The following NLRP1 variants were observed in gnomAD, a reference collection of about 807,000 sequenced individuals.
The protein encoded by NLRP1 is NLR family pyrin domain containing 1.
In NLRP1, 94 loss-of-function variants were observed where a neutral mutation model predicts 136.7. The ratio of observed to expected loss-of-function variants is 0.69; its 90% CI spans 0.58 to 0.82. The LOEUF is 0.82. Ranked by LOEUF, NLRP1 falls within the 40% of genes least tolerant of loss-of-function variation. The pLI is 0.00. For synonymous variants in NLRP1, 690 were observed against 725.1 expected (o/e 0.95, Z 0.78); for missense variants, 1,575 against 1,802.7 (o/e 0.87, Z 2.29).
intron 5 of NLRP1, among the ~76,000 whole-genome samples, chr17:5,542,789 CCTTT>C (rs1046842738): frequency 3.3e-4 from 48 of 146,028 alleles, no homozygotes; most frequent in African/African-American, 1.0e-3. Context: ...CTCCCTCCCT[CCTTT>C]CTTTCTCTCT....
At chr17:5,512,400 C>G (rs1442435050), downstream of NLRP1, 5 of 1,022,530 alleles carry the variant, frequency 4.9e-6, no homozygotes, top group Non-Finnish European at 7.8e-6. Flanking sequence ...TTCTAGTGCC[C>G]ATATCTTGAT....
At chr17:5,572,817 T>C (rs1413462634) in intron 3 of NLRP1, among the ~76,000 whole-genome samples, 1 of 152,082 alleles carries the variant, frequency 6.6e-6, no homozygotes, top group Non-Finnish European at 1.5e-5. Context: ...CACTTATTAT[T>C]AGCAAAATGC....
At chr17:5,554,364 T>C (rs1313925086) in intron 4 of NLRP1, among the ~76,000 whole-genome samples, 1 of 152,196 alleles carries the variant, frequency 6.6e-6, no homozygotes, top group East Asian at 1.9e-4. Flanking sequence ...CCTCCAAGGC[T>C]TCAACTACTC....
At chr17:5,577,789 C>A in intron 3 of NLRP1, among the ~76,000 whole-genome samples, 1 of 152,166 alleles carries the variant, frequency 6.6e-6, no homozygotes, top group South Asian at 2.1e-4. Flanking sequence ...CAAAAAAGAG[C>A]CCGCACTGCC....
intron 15 of NLRP1, chr17:5,503,019 A>ACC (rs1156574675): frequency 6.6e-6 from 1 of 152,530 alleles, no homozygotes; most frequent in Non-Finnish European, 1.5e-5. Context: ...AAGGGTGTGA[A>ACC]GGGTGAAATG....
chr17:5,569,424 G>GA (rs1915644229), intron 3 of NLRP1, among the ~76,000 whole-genome samples: 1 of 152,094 alleles, frequency 6.6e-6, no homozygotes. Flanking sequence ...AAGGGATGGG[G>GA]AAAAATCTAC....
At position 5,559,627 on chromosome 17, in the gene NLRP1, A is replaced by T; in HGVS notation, c.1069T>A (p.Tyr357Asn). Residue 357 changes from tyrosine (Y) to asparagine (N), a missense_variant, in exon 4 of 17, where the codon TAT becomes AAT. By Grantham distance (143) the Tyr-to-Asn change is moderately radical (BLOSUM62 -2). Coordinates refer to ENST00000572272, the MANE Select transcript of NLRP1 (RefSeq NM_033004.4). Reference sequence around the variant, plus strand: ...AAGACATGCTGGAAGCGGTCCCCATACAGCTGGCCTCTCCCCCAGGCTTCC... The same window carrying T: ...AAGACATGCTGGAAGCGGTCCCCATTCAGCTGGCCTCTCCCCCAGGCTTCC... ...VKEAWGRGQL[Y>N]GDRFQHVFYF... 1 of 1,614,206 alleles carries T rather than the reference A, an allele frequency of 6.2e-7. No individual in the cohort carries two copies. The highest frequency in any genetic ancestry group is 2.2e-5 in the East Asian group (1 of 44,876).
intron 2 of NLRP1, 104 bp downstream of exon 2, chr17:5,582,566 C>T: frequency 9.1e-7 from 1 of 1,098,424 alleles, no homozygotes; most frequent in Non-Finnish European, 1.3e-6. Flanking sequence ...CCTCTGCTGT[C>T]CCCCATGTCA....
intron 12 of NLRP1, 60 bp downstream of exon 12, chr17:5,530,421 C>T (rs746413137): frequency 5.5e-5 from 80 of 1,459,666 alleles, no homozygotes; most frequent in Non-Finnish European, 7.1e-5. Context: ...TATCATTCTA[C>T]ACTCCCTTTC....
At chr17:5,577,676 C>T (rs1377183371) in intron 3 of NLRP1, among the ~76,000 whole-genome samples, 1 of 152,120 alleles carries the variant, frequency 6.6e-6, no homozygotes, top group African/African-American at 2.4e-5. Context: ...TGAAAATGGC[C>T]ATACTGCCCA....
At chr17:5,582,551 T>G in intron 2 of NLRP1, 119 bp downstream of exon 2, 1 of 959,506 alleles carries the variant, frequency 1.0e-6, no homozygotes, top group South Asian at 1.6e-5. Flanking sequence ...GGCTCCCCTA[T>G]CCTTCCTCTG....
chr17:5,509,158 C>CGGAA (rs1308058338), downstream of NLRP1, among the ~76,000 whole-genome samples: 9 of 152,222 alleles, frequency 5.9e-5, no homozygotes, highest in African/African-American at 2.2e-4. Flanking sequence ...GCTAGACTTC[C>CGGAA]CTTCAAGTTC....
chr17:5,518,052 C>A, intron 14 of NLRP1, 165 bp from the exon 15 acceptor site: 1 of 650,588 alleles, frequency 1.5e-6, no homozygotes, highest in Non-Finnish European at 2.6e-6. Context: ...CAATTTTCCA[C>A]AGAAGGATGA....
chr17:5,515,535 T>A lies in NLRP1; in HGVS notation c.4058-18A>T, dbSNP rs202135403. 9.5e-5 allele frequency: 153 copies of A among 1,603,972 alleles called. No homozygotes were observed. Among genetic ancestry groups the A allele is most frequent in the Non-Finnish European group, 1.3e-4 (149 of 1,171,170 alleles). ...GAGATCTCCTGGAGGAAAACAGAGA[T>A]GAAGATGCATCTGAAACAGTGCTAA... On this transcript the variant is annotated intron_variant, in intron 15 of 16. Transcript: ENST00000572272.
Position 5,536,856 on chromosome 17 carries a change from G to A in NLRP1, c.2955C>T (p.Ser985=). The A allele has an allele frequency of 6.2e-7, 1 of 1,610,996 alleles. No individual in the cohort carries two copies. Among genetic ancestry groups the A allele is most frequent in the Non-Finnish European group, 8.5e-7 (1 of 1,177,228 alleles). The change falls in exon 8 of 17, where the codon AGC becomes AGT. Residue 985 remains serine (S), a synonymous_variant. Coordinates refer to ENST00000572272, the MANE Select transcript of NLRP1 (RefSeq NM_033004.4). Reference sequence around the variant, plus strand: ...AGTTCTGGGTCCCCCCTTACCGTCTGCTGAAGATGAGCAGCTGAGGTTTCT... The same window carrying A: ...AGTTCTGGGTCCCCCCTTACCGTCTACTGAAGATGAGCAGCTGAGGTTTCT... ...EQEKPQLLIF[S]RRKPSVMTPT...
At chr17:5,573,596 C>T (rs550126505) in intron 3 of NLRP1, among the ~76,000 whole-genome samples, 3 of 152,286 alleles carry the variant, frequency 2.0e-5, no homozygotes, top group African/African-American at 4.8e-5. Context: ...CTCACACAGC[C>T]GTCTACCTCT....
chr17:5,512,779 A>G (rs1157854690), downstream of NLRP1, among the ~76,000 whole-genome samples: 1 of 152,194 alleles, frequency 6.6e-6, no homozygotes, highest in East Asian at 1.9e-4. Context: ...CAACTGCTGG[A>G]GCTGGTCCTA....
At chr17:5,556,428 T>C (rs1426128546) in intron 4 of NLRP1, among the ~76,000 whole-genome samples, 3 of 141,352 alleles carry the variant, frequency 2.1e-5, no homozygotes, top group Non-Finnish European at 4.5e-5. Context: ...CACTCCAGCC[T>C]AGGGGACAGA....
chr17:5,565,327 G>A (rs895089055), intron 3 of NLRP1, among the ~76,000 whole-genome samples: 13 of 152,120 alleles, frequency 8.5e-5, no homozygotes, highest in African/African-American at 2.9e-4. Context: ...TTTTTTGATC[G>A]AATTTTAGAT....
Sources: gnomAD v4.1 joint callset for allele counts (sites outside exome capture counted in the v4.1 genomes callset) on GRCh38, gnomAD v4.1.1 for gene constraint, MANE v1.5 for transcripts, NCBI Gene and HGNC (gene_info 2026-07-23, HGNC 2026-07-21) for gene names.